PAK1: variants seen among roughly 807,000 people sequenced by gnomAD.
PAK1 encodes serine/threonine-protein kinase PAK 1.
Under a neutral mutation model 67.4 loss-of-function variants are expected in PAK1, and 29 were observed. The observed-to-expected ratio is 0.43, with a 90% CI of 0.32 to 0.59. The LOEUF is 0.59. Among genes scored for constraint, PAK1 ranks in the 20% least tolerant of loss-of-function variants. PAK1 has a pLI of 0.07. For synonymous variants in PAK1, 223 were observed against 237.4 expected (o/e 0.94, Z 0.56); for missense variants, 337 against 670.7 (o/e 0.50, Z 5.50).
chr11:77,495,364 C>T, the PAK1 span, among the ~76,000 whole-genome samples: 18 of 151,886 alleles, frequency 1.2e-4, no homozygotes, highest in East Asian at 3.5e-3. Flanking sequence ...ATCCCAGCTA[C>T]TCAAGAGGCT....
intron 1 of PAK1, among the ~76,000 whole-genome samples, chr11:77,409,170 G>A (rs1954116373): frequency 1.3e-5 from 2 of 152,092 alleles, no homozygotes; most frequent in African/African-American, 4.8e-5. Flanking sequence ...TACTTCAGAG[G>A]TTGAGGTAGG....
At chr11:77,510,384 T>C in the PAK1 span, among the ~76,000 whole-genome samples, 3 of 152,216 alleles carry the variant, frequency 2.0e-5, no homozygotes, top group African/African-American at 4.8e-5. Context: ...GCATGTGCAA[T>C]CATGCCCAGC....
intron 13 of PAK1, among the ~76,000 whole-genome samples, chr11:77,334,697 C>T (rs1040190160): frequency 6.6e-6 from 1 of 152,146 alleles, no homozygotes; most frequent in African/African-American, 2.4e-5. Context: ...TTGTACATGA[C>T]CATTTTCCTC....
intron 9 of PAK1, chr11:77,347,030 C>G (rs1944531049): frequency 2.2e-6 from 1 of 456,118 alleles, no homozygotes; most frequent in African/African-American, 2.0e-5. Context: ...TAAGCAAGAA[C>G]TCACAAAGAC....
intron 1 of PAK1, among the ~76,000 whole-genome samples, chr11:77,413,840 T>C (rs1329353628): frequency 6.6e-6 from 1 of 152,160 alleles, no homozygotes; most frequent in Non-Finnish European, 1.5e-5. Flanking sequence ...CCCCACACCA[T>C]GTCCTTCATC....
chr11:77,517,875 C>G, the PAK1 span, among the ~76,000 whole-genome samples: 443 of 152,166 alleles, frequency 2.9e-3, 3 homozygotes, highest in African/African-American at 0.01. Flanking sequence ...TTGCCCACTT[C>G]ACAATAGGGT....
At chr11:77,454,605 C>T (rs1380383084) in intron 1 of PAK1, among the ~76,000 whole-genome samples, 9 of 152,112 alleles carry the variant, frequency 5.9e-5, no homozygotes, top group Admixed American at 2.0e-4. Flanking sequence ...AATCATCTGG[C>T]GGGCTTGTTA....
upstream of PAK1, chr11:77,477,010 A>G (rs1958067694): frequency 6.6e-6 from 1 of 152,166 alleles, no homozygotes; most frequent in Non-Finnish European, 1.5e-5. Flanking sequence ...ATAAAAATAA[A>G]TGTGTATTGT....
chr11:77,377,543 T>C (rs1277051484), intron 4 of PAK1, among the ~76,000 whole-genome samples: 1 of 152,232 alleles, frequency 6.6e-6, no homozygotes, highest in Non-Finnish European at 1.5e-5. Context: ...TGAATGAACA[T>C]ACACATAATT....
intron 14 of PAK1, chr11:77,329,066 C>T (rs896557910): frequency 5.3e-5 from 8 of 152,340 alleles, no homozygotes; most frequent in African/African-American, 1.9e-4. Flanking sequence ...CACATACATC[C>T]TCCCAAGACT....
chr11:77,451,280 G>A (rs1565712070), intron 1 of PAK1, among the ~76,000 whole-genome samples: 1 of 152,186 alleles, frequency 6.6e-6, no homozygotes, highest in Non-Finnish European at 1.5e-5. Flanking sequence ...CAGGTAATCA[G>A]ATCCTCATTC....
intron 1 of PAK1, among the ~76,000 whole-genome samples, chr11:77,438,742 A>G (rs569919085): frequency 6.6e-6 from 1 of 151,938 alleles, no homozygotes; most frequent in Non-Finnish European, 1.5e-5. Context: ...CTGTCACAGA[A>G]CCTCTGTGTA....
At position 77,379,972 on chromosome 11, in the gene PAK1, CTCTT is replaced by C; in HGVS notation, c.209_212del (p.Lys70SerfsTer73). On this transcript the variant is annotated frameshift_variant, in exon 3 of 15. Coordinates refer to ENST00000356341, the MANE Select transcript of PAK1 (RefSeq NM_002576.5). LOFTEE classifies it high-confidence loss of function. ...CTGAAGGGAGAGAAATCTCTGGCCG[CTCTT>C]TCTCTTTCTTTTTATTTGCTGCAAG... 1 of 1,613,202 alleles carries C rather than the reference CTCTT, an allele frequency of 6.2e-7. No homozygotes were observed. The highest frequency in any genetic ancestry group is 8.5e-7 in the Non-Finnish European group (1 of 1,179,536).
chr11:77,461,440 A>G (rs1342335599), intron 1 of PAK1, among the ~76,000 whole-genome samples: 1 of 152,246 alleles, frequency 6.6e-6, no homozygotes, highest in Non-Finnish European at 1.5e-5. Flanking sequence ...AGGCTTTAAG[A>G]GCAAAACTGA....
chr11:77,463,057 A>G (rs997460321), intron 1 of PAK1, among the ~76,000 whole-genome samples: 13 of 152,052 alleles, frequency 8.5e-5, no homozygotes, highest in African/African-American at 3.1e-4. Flanking sequence ...TGAAGGTGCC[A>G]AGCCTTAAAG....
At chr11:77,499,882 A>C in the PAK1 span, among the ~76,000 whole-genome samples, 1 of 152,118 alleles carries the variant, frequency 6.6e-6, no homozygotes, top group Admixed American at 6.5e-5. Context: ...GCCTGGCTAA[A>C]TGTCTCACCC....
rs762114343 is a variant in PAK1, at chr11:77,357,570, T to TA, written c.597+1327dup. Among the ~76,000 whole-genome samples the TA allele has an allele frequency of 2.4e-4, 37 of 152,172 alleles. 1 individual carries two copies. Among genetic ancestry groups the TA allele is most frequent in the Non-Finnish European group, 5.0e-4 (34 of 68,028 alleles). ...TTCTCTGGCTCCTAGCACAGGTTTG[T>TA]ACACACAAAAATACCACTGTGCTAT... On this transcript the variant is annotated intron_variant, in intron 6 of 14. Coordinates refer to ENST00000356341, the MANE Select transcript of PAK1 (RefSeq NM_002576.5).
the PAK1 span, among the ~76,000 whole-genome samples, chr11:77,489,039 C>T: frequency 2.0e-5 from 3 of 152,058 alleles, no homozygotes; most frequent in African/African-American, 4.8e-5. Flanking sequence ...AGAAAGGACC[C>T]GAAAAGCAGC....
chr11:77,341,484 C>A (rs149426089), intron 10 of PAK1, among the ~76,000 whole-genome samples: 2 of 152,086 alleles, frequency 1.3e-5, no homozygotes, highest in Non-Finnish European at 2.9e-5. Flanking sequence ...GCCAAGACTA[C>A]CATTTAGTAA....
Sources: gnomAD v4.1 joint callset for allele counts (sites outside exome capture counted in the v4.1 genomes callset) on GRCh38, gnomAD v4.1.1 for gene constraint, MANE v1.5 for transcripts, NCBI Gene and HGNC (gene_info 2026-07-23, HGNC 2026-07-21) for gene names.